Variants in CACNA2D3 observed in about 807,000 individuals in gnomAD.
CACNA2D3 encodes the protein calcium voltage-gated channel auxiliary subunit alpha2delta 3.
In CACNA2D3, 60 loss-of-function variants were observed where a neutral mutation model predicts 160.6. The ratio of observed to expected loss-of-function variants is 0.37; its 90% CI spans 0.30 to 0.46. The LOEUF is 0.46. Among genes scored for constraint, CACNA2D3 ranks in the 20% least tolerant of loss-of-function variants. The pLI is 1.00. For synonymous variants in CACNA2D3, 558 were observed against 492.9 expected, an observed-to-expected ratio of 1.13 and a Z score of -1.75; for missense variants, 1,205 against 1,365.0, an observed-to-expected ratio of 0.88 and a Z score of 1.85.
chr3:54,140,167 C>T (rs1272539532), intron 2 of CACNA2D3, among the ~76,000 whole-genome samples: 1 of 152,196 alleles, frequency 6.6e-6, no homozygotes, highest in Admixed American at 6.5e-5. Flanking sequence ...TAATTCTTGG[C>T]ATCAAAGGTG....
At chr3:54,298,439 A>G (rs935947473) in intron 2 of CACNA2D3, among the ~76,000 whole-genome samples, 1 of 152,232 alleles carries the variant, frequency 6.6e-6, no homozygotes, top group African/African-American at 2.4e-5. Flanking sequence ...TAAAACCGAC[A>G]GACGAGAGTT....
chr3:54,632,824 G>A (rs923313984), intron 10 of CACNA2D3: 2 of 152,186 alleles, frequency 1.3e-5, no homozygotes, highest in Non-Finnish European at 2.9e-5. Flanking sequence ...TAAGCAATGA[G>A]GTTATTTCCG....
At chr3:54,282,690 T>G (rs923615963) in intron 2 of CACNA2D3, among the ~76,000 whole-genome samples, 4 of 152,192 alleles carry the variant, frequency 2.6e-5, no homozygotes, top group African/African-American at 9.6e-5. Context: ...GAATTTACAG[T>G]GTAGTGAGAA....
At chr3:54,271,266 C>T (rs574217580) in intron 2 of CACNA2D3, among the ~76,000 whole-genome samples, 2 of 152,178 alleles carry the variant, frequency 1.3e-5, no homozygotes, top group East Asian at 1.9e-4. Flanking sequence ...CTCTTATTCA[C>T]GTGCTCTCAC....
At chr3:54,889,767 A>G (rs1700014100) in intron 24 of CACNA2D3, among the ~76,000 whole-genome samples, 1 of 152,098 alleles carries the variant, frequency 6.6e-6, no homozygotes, top group African/African-American at 2.4e-5. Context: ...CATGGATCTT[A>G]TTTCCTGGGA....
intron 10 of CACNA2D3, among the ~76,000 whole-genome samples, chr3:54,637,349 A>C (rs1404166502): frequency 6.6e-6 from 1 of 151,816 alleles, no homozygotes; most frequent in African/African-American, 2.4e-5. Context: ...GTGGGGGGAT[A>C]CAAGAGGAGG....
At chr3:54,829,861 A>G (rs992401055) in intron 14 of CACNA2D3, among the ~76,000 whole-genome samples, 4 of 136,180 alleles carry the variant, frequency 2.9e-5, no homozygotes, top group Non-Finnish European at 6.3e-5. Context: ...CAGATTCTGC[A>G]TATCTTTTCT....
chr3:54,662,383 A>T (rs72870661), intron 11 of CACNA2D3, among the ~76,000 whole-genome samples: 25,299 of 152,186 alleles, frequency 0.17, 2,400 homozygotes, highest in Non-Finnish European at 0.21. Context: ...TAAAGTGACT[A>T]ATCTATTAGG....
intron 4 of CACNA2D3, among the ~76,000 whole-genome samples, chr3:54,465,667 T>A (rs376616954): frequency 6.6e-6 from 1 of 152,020 alleles, no homozygotes; most frequent in African/African-American, 2.4e-5. Flanking sequence ...TGCGTACAGG[T>A]TGGTGCAAAA....
At chr3:54,410,007 G>A (rs1172220216) in intron 4 of CACNA2D3, among the ~76,000 whole-genome samples, 2 of 152,184 alleles carry the variant, frequency 1.3e-5, no homozygotes, top group Non-Finnish European at 2.9e-5. Context: ...TAAGGCTGAT[G>A]CAACAACCTT....
chr3:54,728,934 C>T (rs1701329623), intron 11 of CACNA2D3, among the ~76,000 whole-genome samples: 1 of 152,172 alleles, frequency 6.6e-6, no homozygotes, highest in South Asian at 2.1e-4. Flanking sequence ...TGAGTCTTAA[C>T]TAACACATAC....
At chr3:54,542,594 G>A (rs1455758275) in intron 5 of CACNA2D3, among the ~76,000 whole-genome samples, 3 of 152,176 alleles carry the variant, frequency 2.0e-5, no homozygotes. Flanking sequence ...CATGGAGTCT[G>A]ATGTTGGAGG....
At chr3:54,905,740 C>G (rs1175388365) in intron 27 of CACNA2D3, among the ~76,000 whole-genome samples, 2 of 152,114 alleles carry the variant, frequency 1.3e-5, no homozygotes, top group Non-Finnish European at 2.9e-5. Flanking sequence ...AAACATCTTG[C>G]AAAGCGCAGG....
chr3:54,442,503 C>T (rs1040152744), intron 4 of CACNA2D3, among the ~76,000 whole-genome samples: 7 of 152,182 alleles, frequency 4.6e-5, no homozygotes, highest in Non-Finnish European at 7.3e-5. Flanking sequence ...AACAGCTCCA[C>T]TTTCCCTTAA....
At chr3:54,208,180 A>G (rs555262955) in intron 2 of CACNA2D3, among the ~76,000 whole-genome samples, 1 of 152,094 alleles carries the variant, frequency 6.6e-6, no homozygotes, top group Non-Finnish European at 1.5e-5. Context: ...ATCTCGGCTC[A>G]CTGCAACCTC....
At chr3:54,150,120 C>G (rs1700119244) in intron 2 of CACNA2D3, among the ~76,000 whole-genome samples, 1 of 151,548 alleles carries the variant, frequency 6.6e-6, no homozygotes, top group African/African-American at 2.4e-5. Flanking sequence ...TGGGGATTTG[C>G]TTCCCTCCAT....
At chr3:54,897,557 G>A (rs948694137) in intron 26 of CACNA2D3, among the ~76,000 whole-genome samples, 2 of 151,744 alleles carry the variant, frequency 1.3e-5, no homozygotes, top group African/African-American at 4.8e-5. Context: ...ACTCTATACT[G>A]CTTATTGCAG....
At chr3:54,920,387 C>T (rs1192068110) in intron 27 of CACNA2D3, among the ~76,000 whole-genome samples, 1 of 151,706 alleles carries the variant, frequency 6.6e-6, no homozygotes, top group Non-Finnish European at 1.5e-5. Context: ...TTTTTGTTGC[C>T]ACTGCTTAAA....
chr3:54,661,044 A>G (rs1699960841), intron 11 of CACNA2D3, among the ~76,000 whole-genome samples: 1 of 152,110 alleles, frequency 6.6e-6, no homozygotes, highest in African/African-American at 2.4e-5. Flanking sequence ...TTGGGAAGCA[A>G]AGAGGCCCAT....
Sources: allele counts gnomAD v4.1 joint callset (sites outside exome capture counted in the v4.1 genomes callset), GRCh38; gene constraint gnomAD v4.1.1; transcripts MANE v1.5; gene names NCBI Gene and HGNC (gene_info 2026-07-23, HGNC 2026-07-21).